CBX8: variants seen among roughly 807,000 people sequenced by gnomAD.
CBX8 encodes the protein chromobox 8.
CBX8 carries 8 observed loss-of-function variants against 39.7 expected under a neutral mutation model. That is an observed-to-expected ratio of 0.20 (90% CI 0.12 to 0.36). CBX8 has a LOEUF of 0.36. Ranked by LOEUF, CBX8 falls within the 10% of genes least tolerant of loss-of-function variation. The probability of loss-of-function intolerance (pLI) is 1.00; values close to 1 mark genes in which losing one functional copy is unlikely to be tolerated. For missense variants in CBX8, 505 were observed against 529.6 expected (o/e 0.95, Z 0.46); for synonymous variants, 268 against 219.8 (o/e 1.22, Z -1.94).
chr17:79,794,674 T>C lies in CBX8; in HGVS notation c.1131A>G (p.Glu377=). 6.3e-7 allele frequency: 1 copy of C among 1,590,734 alleles called. No individual in the cohort carries two copies. The highest frequency in any genetic ancestry group is 8.5e-7 in the Non-Finnish European group (1 of 1,172,528). ...TAAAAAAGCCTTGGTCCGTGTTACT[T>C]TCCTTAATGGTGACGGTCAAAAAGT... is the stretch of plus-strand genomic sequence containing the variant. ...TSNFLTVTIK[E]SNTDQGFFKE... is the part of the protein sequence containing the mutation. Residue 377 remains glutamate (E), a synonymous_variant, in exon 5 of 5, where the codon GAA becomes GAG. Transcript: ENST00000269385.
chr17:79,794,955 C>A lies in CBX8; in HGVS notation c.850G>T (p.Val284Leu), dbSNP rs781221605. ...AGGAAGGCAGCCCTGTGCTTTATCA[C>A]CCTGGCCGGGAAGGTGTCCACAGCC... is the stretch of plus-strand genomic sequence containing the variant. The part of the protein sequence containing the change: ...KLAVDTFPAR[V>L]IKHRAAFLEA... Residue 284 changes from valine (V) to leucine (L), a missense_variant, in exon 5 of 5, where the codon GTG (valine) becomes TTG (leucine). Around this residue, in one of 3 missense-constraint regions of CBX8, gnomAD observed 456 missense variants for 389.2 expected, o/e 1.17. Transcript: ENST00000269385. 3 of 1,605,280 alleles carry A rather than the reference C, an allele frequency of 1.9e-6. No homozygotes were observed. Among genetic ancestry groups the A allele is most frequent in the Non-Finnish European group, 2.6e-6 (3 of 1,175,268 alleles).
rs1395840342 is a variant in CBX8, at chr17:79,792,774, T to TAC, written c.*1859_*1860dup. On this transcript the variant is annotated 3_prime_UTR_variant, in exon 5 of 5. Transcript: ENST00000269385. ...TTCAAAAACAAACACAATCATGTAGTACACCGTTTCCCTCCTTTTCTCTCT... is the reference window on the plus strand; with the variant it reads ...TTCAAAAACAAACACAATCATGTAGTACACACCGTTTCCCTCCTTTTCTCTCT... 6.6e-6 allele frequency: 1 copy of TAC among 152,218 alleles called. No homozygotes were observed. Among genetic ancestry groups the TAC allele is most frequent in the Non-Finnish European group, 1.5e-5 (1 of 68,040 alleles). The allele number at this position is 152,218 out of a possible 1,614,324, so 9.4% of individuals were successfully genotyped here.
chr17:79,796,580 A>T lies in CBX8; in HGVS notation c.70-40T>A, dbSNP rs937212453. On this transcript the variant is annotated intron_variant, in intron 1 of 4. Transcript: ENST00000269385. ...GCGATAATGTGTGTGCATGGGGAGAAACGCATGACGAGGATACAAGAAATG... is the reference window on the plus strand; with the variant it reads ...GCGATAATGTGTGTGCATGGGGAGATACGCATGACGAGGATACAAGAAATG... 5.6e-6 allele frequency: 9 copies of T among 1,609,792 alleles called. No homozygotes were observed. The African/African-American group carries it at 1.1e-4, about 19-fold the overall frequency.
rs745965250 is a variant in CBX8, at chr17:79,796,861, G to GGGGGAGGGAACCCGGGCCGGGA, written c.69+47_69+68dup. 3,681 of 1,433,374 alleles carry GGGGGAGGGAACCCGGGCCGGGA rather than the reference G, an allele frequency of 2.6e-3. 10 individuals are homozygous for GGGGGAGGGAACCCGGGCCGGGA. Among genetic ancestry groups the GGGGGAGGGAACCCGGGCCGGGA allele is most frequent in the Admixed American group, 3.9e-3 (202 of 51,326 alleles). The allele number at this position is 1,433,374 out of a possible 1,614,324, so 88.8% of individuals were successfully genotyped here. A position where few individuals can be genotyped will look rare whatever the true frequency, so the allele number is the denominator to read the frequency against. ...GGGGAAGGGAAGCTGGGCTGCAGCA[G>GGGGGAGGGAACCCGGGCCGGGA]GGGGAGGGAACCCGGGCCGGGAGGG... On this transcript the variant is annotated intron_variant, in intron 1 of 4. Coordinates refer to ENST00000269385, the MANE Select transcript of CBX8 (RefSeq NM_020649.3).
chr17:79,794,838 C>G lies in CBX8; in HGVS notation c.967G>C (p.Asp323His). 13 of 1,609,650 alleles carry G rather than the reference C, an allele frequency of 8.1e-6. No homozygotes were observed. The highest frequency in any genetic ancestry group is 9.3e-6 in the Non-Finnish European group (11 of 1,178,328). ...PPSSGGGLYR[D>H]MGAQGGRPSL... ...GGCCTTCCCCCCTGGGCCCCCATGTCCCGGTACAGGCCCCCCCCAGAGCTG... is the reference window on the plus strand; with the variant it reads ...GGCCTTCCCCCCTGGGCCCCCATGTGCCGGTACAGGCCCCCCCCAGAGCTG... The change falls in exon 5 of 5, where the codon GAC (aspartate) becomes CAC (histidine). Residue 323 changes from aspartate to histidine, a missense_variant. By Grantham distance (81) the Asp-to-His change is moderately conservative (BLOSUM62 -1). Around this residue, in one of 3 missense-constraint regions of CBX8, gnomAD observed 456 missense variants for 389.2 expected, o/e 1.17. Coordinates refer to ENST00000269385, the MANE Select transcript of CBX8 (RefSeq NM_020649.3).
chr17:79,794,510 G>T lies in CBX8; in HGVS notation c.*125C>A. 1.6e-6 allele frequency: 1 copy of T among 628,172 alleles called. No individual in the cohort carries two copies. The highest frequency in any genetic ancestry group is 2.7e-6 in the Non-Finnish European group (1 of 366,912). 38.9% of individuals were successfully genotyped at this position (628,172 alleles called of 1,614,324 possible). ...AAGGAGGGATGAAAGGGGCTGGTGGGGTGGGGGTGACATCAGGGACGGGAC... is the reference window on the plus strand; with the variant it reads ...AAGGAGGGATGAAAGGGGCTGGTGGTGTGGGGGTGACATCAGGGACGGGAC... On this transcript the variant is annotated 3_prime_UTR_variant, in exon 5 of 5. Transcript: ENST00000269385.
At chr17:79,796,589 C>T (rs753812039) in intron 1 of CBX8, 49 bp from the exon 2 acceptor site, 10 of 1,604,394 alleles carry the variant, frequency 6.2e-6, no homozygotes, top group Non-Finnish European at 8.5e-6. Context: ...AAACGCATGA[C>T]GAGGATACAA....
rs1908070678 is a variant in CBX8, at chr17:79,795,920, A to G, written c.246+137T>C. On this transcript the variant is annotated intron_variant, in intron 4 of 4. Coordinates refer to ENST00000269385, the MANE Select transcript of CBX8 (RefSeq NM_020649.3). This position sits in a 1 kb window ranked among gnomAD's most constrained non-coding sequence, Gnocchi z 5.8. ...TTGGTGCTGCTACTGACTTGGTGAC[A>G]TCTTGTCAGGGAACTCCCTCCTACA... 2.5e-6 allele frequency: 2 copies of G among 798,396 alleles called. No individual in the cohort carries two copies. Among genetic ancestry groups the G allele is most frequent in the Non-Finnish European group, 2.1e-6 (1 of 474,142 alleles). The allele number at this position is 798,396 out of a possible 1,614,324, so 49.5% of individuals were successfully genotyped here. A position where few individuals can be genotyped will look rare whatever the true frequency, so the allele number is the denominator to read the frequency against.
At position 79,795,209 on chromosome 17, in the gene CBX8, C is replaced by A; in HGVS notation, c.596G>T (p.Arg199Leu). 1.2e-6 allele frequency: 2 copies of A among 1,613,272 alleles called. No homozygotes were observed. The highest frequency in any genetic ancestry group is 1.7e-6 in the Non-Finnish European group (2 of 1,179,778). The part of the protein sequence containing the change: ...PSSPGDSSKK[R>L]GPKPRKELPD... The stretch of plus-strand genomic sequence containing the variant: ...GAGCTCCTTCCGGGGCTTGGGGCCT[C>A]GCTTCTTCGAGCTGTCCCCCGGTGA... Residue 199 changes from arginine to leucine, a missense_variant, in exon 5 of 5, where the codon CGA becomes CTA. Around this residue, in one of 3 missense-constraint regions of CBX8, gnomAD observed 456 missense variants for 389.2 expected, o/e 1.17. Transcript: ENST00000269385. The surrounding 1 kb of genome is among the most constrained non-coding windows in gnomAD (Gnocchi z 5.8).
rs1466571772 is a variant in CBX8 at position 79,792,702 on chromosome 17, TA to T, written c.*1932del. 7 of 152,368 alleles carry T rather than the reference TA, an allele frequency of 4.6e-5. No homozygotes were observed. The highest frequency in any genetic ancestry group is 3.4e-3 in the Middle Eastern group (1 of 294). The allele number at this position is 152,368 out of a possible 1,614,324, so 9.4% of individuals were successfully genotyped here. ...TACCAGTTTTACAAATGTGAGTAGA[TA>T]AAAATCCCCATTCCAGGGGCTTCTC... On this transcript the variant is annotated 3_prime_UTR_variant, in exon 5 of 5. Coordinates refer to ENST00000269385, the MANE Select transcript of CBX8 (RefSeq NM_020649.3).
Position 79,795,736 on chromosome 17 carries a change from T to G in CBX8, c.247-178A>C, listed in dbSNP as rs1908062414. On this transcript the variant is annotated intron_variant, in intron 4 of 4. Transcript: ENST00000269385. The surrounding 1 kb of genome is among the most constrained non-coding windows in gnomAD (Gnocchi z 5.8). ...GCTGGATGAATGGGTGGGATGGCTGTTGGAGCTGAGAGGTAGAAGGATGAG... is the reference window on the plus strand; with the variant it reads ...GCTGGATGAATGGGTGGGATGGCTGGTGGAGCTGAGAGGTAGAAGGATGAG... Among the ~76,000 whole-genome samples, 1 of 152,154 alleles carries G rather than the reference T, an allele frequency of 6.6e-6. No homozygotes were observed. Among genetic ancestry groups the G allele is most frequent in the Non-Finnish European group, 1.5e-5 (1 of 68,014 alleles).
chr17:79,795,635 C>T lies in CBX8; in HGVS notation c.247-77G>A, dbSNP rs1908057633. 1.1e-6 allele frequency: 1 copy of T among 920,970 alleles called. No individual in the cohort carries two copies. Among genetic ancestry groups the T allele is most frequent in the African/African-American group, 2.0e-5 (1 of 50,312 alleles). 57.0% of individuals were successfully genotyped at this position (920,970 alleles called of 1,614,324 possible). On this transcript the variant is annotated intron_variant, in intron 4 of 4. Transcript: ENST00000269385. The surrounding 1 kb of genome is among the most constrained non-coding windows in gnomAD (Gnocchi z 5.8). Reference sequence around the variant, plus strand: ...ACAGGACTCCTCCTCTATCCCTGACCTCCTATCTTTACCCTATGATGCCTG... The same window carrying T: ...ACAGGACTCCTCCTCTATCCCTGACTTCCTATCTTTACCCTATGATGCCTG...
chr17:79,795,651 A>C lies in CBX8; in HGVS notation c.247-93T>G. 2 of 573,806 alleles carry C rather than the reference A, an allele frequency of 3.5e-6. No homozygotes were observed. The highest frequency in any genetic ancestry group is 4.7e-6 in the Non-Finnish European group (2 of 428,758). 35.5% of individuals were successfully genotyped at this position (573,806 alleles called of 1,614,324 possible). A position where few individuals can be genotyped will look rare whatever the true frequency, so the allele number is the denominator to read the frequency against. On this transcript the variant is annotated intron_variant, in intron 4 of 4. Coordinates refer to ENST00000269385, the MANE Select transcript of CBX8 (RefSeq NM_020649.3). This position sits in a 1 kb window ranked among gnomAD's most constrained non-coding sequence, Gnocchi z 5.8. ...ATCCCTGACCTCCTATCTTTACCCT[A>C]TGATGCCTGGGAATTTCTACATGGA...
At position 79,795,739 on chromosome 17, in the gene CBX8, G is replaced by C. The variant is rs940142675; in HGVS notation, c.247-181C>G. 6.6e-6 allele frequency among the ~76,000 whole-genome samples: 1 copy of C among 152,214 alleles called. No individual in the cohort carries two copies. The highest frequency in any genetic ancestry group is 2.4e-5 in the African/African-American group (1 of 41,460). Reference sequence around the variant, plus strand: ...GGATGAATGGGTGGGATGGCTGTTGGAGCTGAGAGGTAGAAGGATGAGAGA... The same window carrying C: ...GGATGAATGGGTGGGATGGCTGTTGCAGCTGAGAGGTAGAAGGATGAGAGA... On this transcript the variant is annotated intron_variant, in intron 4 of 4. Transcript: ENST00000269385. The surrounding 1 kb of genome is among the most constrained non-coding windows in gnomAD (Gnocchi z 5.8).
Position 79,795,112 on chromosome 17 carries a change from C to T in CBX8, c.693G>A (p.Leu231=). The T allele has an allele frequency of 6.2e-7, 1 of 1,613,204 alleles. No homozygotes were observed. The highest frequency in any genetic ancestry group is 8.5e-7 in the Non-Finnish European group (1 of 1,179,720). Residue 231 remains leucine, a synonymous_variant, in exon 5 of 5, where the codon CTG becomes CTA. Coordinates refer to ENST00000269385, the MANE Select transcript of CBX8 (RefSeq NM_020649.3). The surrounding 1 kb of genome is among the most constrained non-coding windows in gnomAD (Gnocchi z 5.8). ...GLGEYLKGRK[L]DDTPSGAGKF... is the part of the protein sequence containing the mutation. ...TTCCTGCCCCGGAAGGGGTGTCGTCCAGCTTCCTGCCCTTGAGGTACTCTC... is the reference window on the plus strand; with the variant it reads ...TTCCTGCCCCGGAAGGGGTGTCGTCTAGCTTCCTGCCCTTGAGGTACTCTC...
Position 79,794,414 on chromosome 17 carries a change from AATAAC to A in CBX8, c.*216_*220del. The A allele has an allele frequency of 3.0e-6, 1 of 329,796 alleles. No individual in the cohort carries two copies. The highest frequency in any genetic ancestry group is 5.5e-6 in the Non-Finnish European group (1 of 183,068). 20.4% of individuals were successfully genotyped at this position (329,796 alleles called of 1,614,324 possible). A position where few individuals can be genotyped will look rare whatever the true frequency, so the allele number is the denominator to read the frequency against. On this transcript the variant is annotated 3_prime_UTR_variant, in exon 5 of 5. Coordinates refer to ENST00000269385, the MANE Select transcript of CBX8 (RefSeq NM_020649.3). ...TATATATATTTAGATATTTTTCTTAAATAACATATTTACATCTAATAGAAAATATA... is the reference window on the plus strand; with the variant it reads ...TATATATATTTAGATATTTTTCTTAAATATTTACATCTAATAGAAAATATA...
intron 3 of CBX8, 24 bp downstream of exon 3, chr17:79,796,226 G>A (rs749048771): frequency 3.7e-6 from 6 of 1,614,162 alleles, no homozygotes; most frequent in African/African-American, 1.3e-5. Context: ...TAAGTGAGCG[G>A]CTGGGACTTG....
chr17:79,795,755 G>C lies in CBX8; in HGVS notation c.247-197C>G, dbSNP rs532692610. 6.6e-6 allele frequency among the ~76,000 whole-genome samples: 1 copy of C among 152,296 alleles called. No individual in the cohort carries two copies. Among genetic ancestry groups the C allele is most frequent in the African/African-American group, 2.4e-5 (1 of 41,564 alleles). ...TGGCTGTTGGAGCTGAGAGGTAGAA[G>C]GATGAGAGAAGAGGTAGAAGATTTG... is the stretch of plus-strand genomic sequence containing the variant. On this transcript the variant is annotated intron_variant, in intron 4 of 4. Coordinates refer to ENST00000269385, the MANE Select transcript of CBX8 (RefSeq NM_020649.3). This position sits in a 1 kb window ranked among gnomAD's most constrained non-coding sequence, Gnocchi z 5.8.
In CBX8 at chr17:79,794,692, C is replaced by A; in HGVS notation, c.1113G>T (p.Leu371Phe). ...VVVTDVTSNF[L>F]TVTIKESNTD... The stretch of plus-strand genomic sequence containing the variant: ...TGTTACTTTCCTTAATGGTGACGGT[C>A]AAAAAGTTTGAGGTCACGTCCGTGA... Residue 371 changes from leucine (L) to phenylalanine (F), a missense_variant, in exon 5 of 5, where the codon TTG (leucine) becomes TTT (phenylalanine). This residue lies in a region of CBX8 where 17 missense variants were observed against 39.0 expected (regional missense o/e 0.44). Coordinates refer to ENST00000269385, the MANE Select transcript of CBX8 (RefSeq NM_020649.3). The A allele has an allele frequency of 6.3e-7, 1 of 1,596,050 alleles. No homozygotes were observed. The highest frequency in any genetic ancestry group is 1.1e-5 in the South Asian group (1 of 88,216).
Sources: gnomAD v4.1 joint callset for allele counts (sites outside exome capture counted in the v4.1 genomes callset) on GRCh38, gnomAD v4.1.1 for gene constraint, gnomAD v4.1.1 regional missense constraint, Gnocchi (gnomAD v3.1) non-coding constraint, MANE v1.5 for transcripts, NCBI Gene and HGNC (gene_info 2026-07-23, HGNC 2026-07-21) for gene names.